Variants in AKR1B15 observed in about 807,000 individuals in gnomAD.
AKR1B15 encodes the protein aldo-keto reductase family 1 member B15.
A neutral mutation model predicts 38.5 loss-of-function variants in AKR1B15; 49 were observed. The observed-to-expected ratio is 1.27, with a 90% CI of 1.01 to 1.62. The LOEUF is 1.62. Among genes scored for constraint, AKR1B15 ranks in the 40% most tolerant of loss-of-function variants. AKR1B15 has a pLI of 0.00. For synonymous variants in AKR1B15, 137 were observed against 135.5 expected (o/e 1.01, Z -0.08); for missense variants, 411 against 381.6 (o/e 1.08, Z -0.64).
chr7:134,550,566 G>A (rs1338497381), intron 1 of AKR1B15, among the ~76,000 whole-genome samples: 1 of 152,160 alleles, frequency 6.6e-6, no homozygotes, highest in Non-Finnish European at 1.5e-5. Flanking sequence ...TATGTGGCAA[G>A]AAATATTGGC....
At position 134,568,208 on chromosome 7, in the gene AKR1B15, A is replaced by G; in HGVS notation, c.201A>G (p.Glu67=). The part of the protein sequence containing the change: ...KEAVKVAIDA[E]YRHIDCAYFY... ...CGGTGAAGGTGGCCATTGATGCAGA[A>G]TATCGCCACATTGACTGTGCCTATT... The change falls in exon 4 of 12, where the codon GAA becomes GAG. Residue 67 remains glutamate, a synonymous_variant. Coordinates refer to ENST00000457545, the MANE Select transcript of AKR1B15 (RefSeq NM_001080538.3). The G allele has an allele frequency of 1.2e-6, 2 of 1,614,136 alleles. No homozygotes were observed. The highest frequency in any genetic ancestry group is 1.7e-6 in the Non-Finnish European group (2 of 1,180,006).
At chr7:134,570,994 A>C (rs751027925) in intron 5 of AKR1B15, among the ~76,000 whole-genome samples, 6 of 152,198 alleles carry the variant, frequency 3.9e-5, no homozygotes, top group Non-Finnish European at 7.3e-5. Context: ...TAATTATTTT[A>C]TTAAGCAAAG....
chr7:134,573,304 T>G (rs1275725080), intron 6 of AKR1B15: 1 of 929,680 alleles, frequency 1.1e-6, no homozygotes, highest in Non-Finnish European at 1.3e-6. Flanking sequence ...GTGTTCAGAT[T>G]ACAGGCGTGA....
chr7:134,575,679 A>T lies in AKR1B15; in HGVS notation c.636+137A>T, dbSNP rs1380755497. 7 of 1,576,654 alleles carry T rather than the reference A, an allele frequency of 4.4e-6. No homozygotes were observed. In the Admixed American group the frequency reaches 1.0e-4, roughly 23 times the overall value. On this transcript the variant is annotated intron_variant, in intron 7 of 11. Transcript: ENST00000457545. ...GACACTTTGGGGAGGTGTGAGGCTG[A>T]TCTCATGGGTGATTTAGCAAGAATC...
Position 134,571,534 on chromosome 7 carries a change from T to C in AKR1B15, c.436-70T>C. 7 of 1,246,250 alleles carry C rather than the reference T, an allele frequency of 5.6e-6. No individual in the cohort carries two copies. In the Admixed American group the frequency reaches 1.2e-4, roughly 22 times the overall value. 77.2% of individuals were successfully genotyped at this position (1,246,250 alleles called of 1,614,324 possible). ...TGGTATTTAGCAAGCATCAGGATCC[T>C]GAAACCTTGTTGAACAGAACCAAGT... On this transcript the variant is annotated intron_variant, in intron 5 of 11. Transcript: ENST00000457545.
rs1264054157 is a variant in AKR1B15 at position 134,562,800 on chromosome 7, T to TTTCC, written c.-22-1787_-22-1784dup. Among the ~76,000 whole-genome samples the TTTCC allele has an allele frequency of 2.0e-5, 3 of 151,766 alleles. No homozygotes were observed. In the East Asian group the frequency reaches 5.8e-4, roughly 29 times the overall value. ...CTTTCTTAATCTTTTCTTTTCTTTC[T>TTTCC]TTCCTTCCTTCCTTTCTTCCTTCCT... On this transcript the variant is annotated intron_variant, in intron 2 of 11. Coordinates refer to ENST00000457545, the MANE Select transcript of AKR1B15 (RefSeq NM_001080538.3).
chr7:134,560,273 T>C (rs986854048), intron 2 of AKR1B15, among the ~76,000 whole-genome samples: 3 of 152,146 alleles, frequency 2.0e-5, no homozygotes, highest in African/African-American at 4.8e-5. Flanking sequence ...CCTCCTACAA[T>C]GCTGCTACCT....
intron 1 of AKR1B15, among the ~76,000 whole-genome samples, chr7:134,556,297 A>G (rs1585785809): frequency 6.6e-6 from 1 of 152,016 alleles, no homozygotes; most frequent in Admixed American, 6.6e-5. Flanking sequence ...GGGATACATC[A>G]CCTCCTTAAT....
At chr7:134,549,516 C>A (rs192212085) in intron 1 of AKR1B15, among the ~76,000 whole-genome samples, 2 of 152,116 alleles carry the variant, frequency 1.3e-5, no homozygotes, top group African/African-American at 4.8e-5. Context: ...CAAGGGCTTG[C>A]GCTTGAATTT....
rs758818506 is a variant in AKR1B15 at position 134,575,832 on chromosome 7, C to T, written c.648C>T (p.His216=). 1.9e-6 allele frequency: 3 copies of T among 1,613,800 alleles called. No homozygotes were observed. Among genetic ancestry groups the T allele is most frequent in the Non-Finnish European group, 8.5e-7 (1 of 1,179,822 alleles). ...YKPVTNQVEC[H]PYLTQEKLIQ... Reference sequence around the variant, plus strand: ...GTTTGCTGTTGCAGGTTGAGTGTCACCCATACCTCACGCAGGAGAAACTGA... The same window carrying T: ...GTTTGCTGTTGCAGGTTGAGTGTCATCCATACCTCACGCAGGAGAAACTGA... Residue 216 remains histidine (H), a synonymous_variant, in exon 8 of 12, where the codon CAC becomes CAT. Coordinates refer to ENST00000457545, the MANE Select transcript of AKR1B15 (RefSeq NM_001080538.3).
chr7:134,578,683 C>G (rs928562823), intron 11 of AKR1B15, among the ~76,000 whole-genome samples: 8 of 152,172 alleles, frequency 5.3e-5, no homozygotes, highest in African/African-American at 1.7e-4. Context: ...TTTGTGTAGC[C>G]AAAAATGATT....
rs767701287 is a variant in AKR1B15 at position 134,575,451 on chromosome 7, T to C, written c.545T>C (p.Val182Ala). 6.2e-7 allele frequency: 1 copy of C among 1,613,690 alleles called. No homozygotes were observed. Among genetic ancestry groups the C allele is most frequent in the Non-Finnish European group, 8.5e-7 (1 of 1,179,806 alleles). ...GAGGAGCTGGTGGACGAGGGGCTGG[T>C]GAAAGCCCTTGGGGTCTCAAATTTC... is the stretch of plus-strand genomic sequence containing the variant. ...AMEELVDEGL[V>A]KALGVSNFNH... Residue 182 changes from valine to alanine, a missense_variant, in exon 7 of 12, where the codon GTG becomes GCG. Val to Ala is a moderately conservative substitution (Grantham distance 64). Coordinates refer to ENST00000457545, the MANE Select transcript of AKR1B15 (RefSeq NM_001080538.3).
chr7:134,560,876 A>T (rs1334133172), intron 2 of AKR1B15, among the ~76,000 whole-genome samples: 1 of 152,216 alleles, frequency 6.6e-6, no homozygotes, highest in Admixed American at 6.5e-5. Context: ...ACCTCAGACT[A>T]ACACCACTTT....
chr7:134,577,170 C>G, intron 10 of AKR1B15, 124 bp downstream of exon 10: 1 of 1,015,652 alleles, frequency 9.8e-7, no homozygotes. Context: ...ACCACCCTAT[C>G]ATTTTCCAGC....
rs554154345 is a variant in AKR1B15 at position 134,572,139 on chromosome 7, G to A, written c.513+458G>A. Among the ~76,000 whole-genome samples the A allele has an allele frequency of 1.1e-4, 16 of 152,288 alleles. No individual in the cohort carries two copies. The South Asian group carries it at 3.3e-3, about 32-fold the overall frequency. On this transcript the variant is annotated intron_variant, in intron 6 of 11. Transcript: ENST00000457545. ...GATGGTTTACGTGCCGGGAACATCA[G>A]TCATAAAGCCCATGTAATCATCTAA...
intron 5 of AKR1B15, among the ~76,000 whole-genome samples, chr7:134,570,873 C>A (rs1328373731): frequency 6.6e-6 from 1 of 152,208 alleles, no homozygotes; most frequent in Non-Finnish European, 1.5e-5. Context: ...TGATTTCTGG[C>A]AGCCCAGACA....
chr7:134,567,687 G>A (rs1365546263), intron 3 of AKR1B15, among the ~76,000 whole-genome samples: 1 of 152,126 alleles, frequency 6.6e-6, no homozygotes, highest in Non-Finnish European at 1.5e-5. Flanking sequence ...TGGGGAAATT[G>A]TCTGAAAATC....
chr7:134,561,470 A>G (rs1226638649), intron 2 of AKR1B15, among the ~76,000 whole-genome samples: 5 of 152,276 alleles, frequency 3.3e-5, no homozygotes, highest in Non-Finnish European at 7.3e-5. Flanking sequence ...GCCTCCCAAA[A>G]TGCTGGGATT....
At chr7:134,564,999 T>C in intron 3 of AKR1B15, 1 of 357,676 alleles carries the variant, frequency 2.8e-6, no homozygotes, top group Non-Finnish European at 5.1e-6. Context: ...ATCAGCACTC[T>C]GTAACTAGCT....
Sources: gnomAD v4.1 joint callset for allele counts (sites outside exome capture counted in the v4.1 genomes callset) on GRCh38, gnomAD v4.1.1 for gene constraint, MANE v1.5 for transcripts, NCBI Gene and HGNC (gene_info 2026-07-23, HGNC 2026-07-21) for gene names.